Variants in KAT2B observed in about 807,000 individuals in gnomAD.
KAT2B encodes histone acetyltransferase KAT2B.
In KAT2B, 36 loss-of-function variants were observed where a neutral mutation model predicts 105.9. That is an observed-to-expected ratio of 0.34 (90% CI 0.26 to 0.45). The LOEUF (loss-of-function observed/expected upper bound fraction) is 0.45. Ranked by LOEUF, KAT2B falls within the 20% of genes least tolerant of loss-of-function variation. The pLI is 1.00. For missense variants in KAT2B, 820 were observed against 1,021.6 expected (o/e 0.80, Z 2.69); for synonymous variants, 397 against 377.9 (o/e 1.05, Z -0.59).
At chr3:20,053,144 C>A (rs1203478934) in intron 1 of KAT2B, among the ~76,000 whole-genome samples, 1 of 152,152 alleles carries the variant, frequency 6.6e-6, no homozygotes, top group African/African-American at 2.4e-5. Context: ...TATCTTATGG[C>A]CTGAACGTCT....
chr3:20,136,980 T>G lies in KAT2B; in HGVS notation c.1788T>G (p.Tyr596Ter). The stretch of plus-strand genomic sequence containing the variant: ...ACCTGATGAATCATTTGAAAGAATA[T>G]CACATAAAGCATGACATCCTGAACT... ...GTHLMNHLKE[Y>*]HIKHDILNFL... Residue 596 changes from tyrosine (Y) to a stop codon, truncating the protein, a stop_gained, in exon 12 of 18, where the codon TAT (tyrosine) becomes TAG (stop). Transcript: ENST00000263754. LOFTEE classifies it high-confidence loss of function. The G allele has an allele frequency of 6.2e-7, 1 of 1,609,740 alleles. No individual in the cohort carries two copies. Among genetic ancestry groups the G allele is most frequent in the Non-Finnish European group, 8.5e-7 (1 of 1,176,204 alleles).
chr3:20,064,255 T>C (rs1323955919), intron 1 of KAT2B, among the ~76,000 whole-genome samples: 2 of 152,188 alleles, frequency 1.3e-5, no homozygotes, highest in Non-Finnish European at 2.9e-5. Context: ...GGGGGCATAG[T>C]GTGGTGTTTT....
chr3:20,113,252 T>C (rs1699151929), intron 6 of KAT2B, among the ~76,000 whole-genome samples: 1 of 152,348 alleles, frequency 6.6e-6, no homozygotes, highest in Non-Finnish European at 1.5e-5. Flanking sequence ...GTTTTCTTAC[T>C]TATGTATCTA....
intron 2 of KAT2B, among the ~76,000 whole-genome samples, chr3:20,092,591 C>A (rs1376772240): frequency 2.0e-5 from 3 of 151,624 alleles, no homozygotes; most frequent in Non-Finnish European, 4.4e-5. Flanking sequence ...TTACAGCAAA[C>A]ATTAGGTGCT....
intron 2 of KAT2B, among the ~76,000 whole-genome samples, chr3:20,078,808 C>G (rs79025291): frequency 0.043 from 6,517 of 150,612 alleles, 190 homozygotes; most frequent in South Asian, 0.076. Flanking sequence ...TTTCTGTTAA[C>G]TTTTAAAATT....
Position 20,072,389 on chromosome 3 carries a change from C to A in KAT2B, c.360C>A (p.Pro120=). The change falls in exon 2 of 18, where the codon CCC becomes CCA. Residue 120 remains proline, a synonymous_variant. Coordinates refer to ENST00000263754, the MANE Select transcript of KAT2B (RefSeq NM_003884.5). The stretch of plus-strand genomic sequence containing the variant: ...AAAACCCTAACCCCTCACCCACTCC[C>A]CCCAGAGCCGACCTGCAGCAAATAA... The part of the protein sequence containing the change: ...GWKNPNPSPT[P]PRADLQQIIV... 6.2e-7 allele frequency: 1 copy of A among 1,613,328 alleles called. No homozygotes were observed.
chr3:20,135,230 A>T (rs1051789513), intron 11 of KAT2B, among the ~76,000 whole-genome samples: 4 of 152,208 alleles, frequency 2.6e-5, no homozygotes, highest in African/African-American at 9.7e-5. Context: ...ACATCAATGG[A>T]AGAATAATTT....
intron 2 of KAT2B, among the ~76,000 whole-genome samples, chr3:20,086,570 C>T (rs1479318116): frequency 6.6e-6 from 1 of 152,192 alleles, no homozygotes; most frequent in Non-Finnish European, 1.5e-5. Context: ...CATTGCACTC[C>T]AGCTTGGATG....
At chr3:20,150,315 A>G (rs774535805) in intron 17 of KAT2B, among the ~76,000 whole-genome samples, 2 of 152,248 alleles carry the variant, frequency 1.3e-5, no homozygotes, top group African/African-American at 2.4e-5. Flanking sequence ...TTGACAAATC[A>G]GTAATTTTAC....
Position 20,107,531 on chromosome 3 carries a change from A to C in KAT2B, c.852-4065A>C, listed in dbSNP as rs1575137952. ...AAATTAGCCAGGCATGGTGGCGGGC[A>C]CCTGTAATCCCAGCTACTTGGGAGG... is the stretch of plus-strand genomic sequence containing the variant. On this transcript the variant is annotated intron_variant, in intron 5 of 17. Coordinates refer to ENST00000263754, the MANE Select transcript of KAT2B (RefSeq NM_003884.5). Among the ~76,000 whole-genome samples the C allele has an allele frequency of 6.0e-5, 9 of 150,320 alleles. No individual in the cohort carries two copies. The South Asian group carries it at 1.9e-3, about 32-fold the overall frequency.
At position 20,086,826 on chromosome 3, in the gene KAT2B, G is replaced by GGCTGGAGTGCAGTGGCGCAGTCTCA. The variant is rs71937317; in HGVS notation, c.431-8422_431-8421insCGCAGTCTCAGCTGGAGTGCAGTGG. 3.0e-4 allele frequency among the ~76,000 whole-genome samples: 20 copies of GGCTGGAGTGCAGTGGCGCAGTCTCA among 65,960 alleles called. No homozygotes were observed. In the South Asian group the frequency reaches 0.014, roughly 45 times the overall value. 43.3% of individuals were successfully genotyped at this position (65,960 alleles called of 152,430 possible). A position where few individuals can be genotyped will look rare whatever the true frequency, so the allele number is the denominator to read the frequency against. ...TTTTTTTTTGAGATGGAGTCTCGCA[G>GGCTGGAGTGCAGTGGCGCAGTCTCA]GCTGGAGTGCAGTGGTGCAATCTCA... On this transcript the variant is annotated intron_variant, in intron 2 of 17. Transcript: ENST00000263754.
chr3:20,062,077 TAATATATATTATATATAAAACATATAA>T (rs1698124154), intron 1 of KAT2B, among the ~76,000 whole-genome samples: 2 of 99,780 alleles, frequency 2.0e-5, no homozygotes, highest in African/African-American at 8.2e-5. Flanking sequence ...ATAAAACATA[TAATATATATTATATATAAAACATATAA>T]TATATATTAT....
chr3:20,104,700 G>A (rs1490488036), intron 5 of KAT2B, among the ~76,000 whole-genome samples: 1 of 152,162 alleles, frequency 6.6e-6, no homozygotes, highest in African/African-American at 2.4e-5. Context: ...ATATCAGTCT[G>A]AAAATGAAGT....
intron 1 of KAT2B, among the ~76,000 whole-genome samples, chr3:20,041,139 C>T (rs1697711535): frequency 6.6e-6 from 1 of 152,012 alleles, no homozygotes; most frequent in Admixed American, 6.5e-5. Flanking sequence ...TGGCGGGTGA[C>T]CCAGGGGCAA....
chr3:20,094,868 A>G (rs1698781808), intron 2 of KAT2B, among the ~76,000 whole-genome samples: 1 of 152,176 alleles, frequency 6.6e-6, no homozygotes, highest in African/African-American at 2.4e-5. Flanking sequence ...CCACCAACTT[A>G]CAAGTCCTGC....
chr3:20,079,439 G>T (rs1248184051), intron 2 of KAT2B, among the ~76,000 whole-genome samples: 1 of 151,972 alleles, frequency 6.6e-6, no homozygotes, highest in Non-Finnish European at 1.5e-5. Context: ...CCTGACCTCA[G>T]GTAATCTGCC....
chr3:20,054,123 T>G (rs1263968822), intron 1 of KAT2B, among the ~76,000 whole-genome samples: 1 of 151,518 alleles, frequency 6.6e-6, no homozygotes. Flanking sequence ...TTTGTTTTTG[T>G]TTTTTGTTTT....
At chr3:20,127,379 A>G (rs1401588464) in intron 10 of KAT2B, 44 bp from the exon 11 acceptor site, 3 of 1,555,602 alleles carry the variant, frequency 1.9e-6, no homozygotes, top group Non-Finnish European at 2.7e-6. Flanking sequence ...GTATATTTAT[A>G]TAACTAGGAT....
chr3:20,120,418 G>A (rs1180358871), intron 8 of KAT2B, among the ~76,000 whole-genome samples: 4 of 151,888 alleles, frequency 2.6e-5, no homozygotes, highest in African/African-American at 9.7e-5. Flanking sequence ...GGTGGAGATG[G>A]GTTTTTGCCA....
Sources: allele counts gnomAD v4.1 joint callset (sites outside exome capture counted in the v4.1 genomes callset), GRCh38; gene constraint gnomAD v4.1.1; transcripts MANE v1.5; gene names NCBI Gene and HGNC (gene_info 2026-07-23, HGNC 2026-07-21).